AP1B1: variants seen among roughly 807,000 people sequenced by gnomAD.
AP1B1 encodes adaptor related protein complex 1 subunit beta 1, also known as AP-1 complex subunit beta-1.
In AP1B1, 36 loss-of-function variants were observed where a neutral mutation model predicts 104.3. The ratio of observed to expected loss-of-function variants is 0.35; its 90% confidence interval spans 0.26 to 0.46. The LOEUF (loss-of-function observed/expected upper bound fraction) is 0.46. Ranked by LOEUF, AP1B1 falls within the 20% of genes least tolerant of loss-of-function variation. The probability of loss-of-function intolerance (pLI) is 1.00; values close to 1 mark genes in which losing one functional copy is unlikely to be tolerated. For synonymous variants in AP1B1, 504 were observed against 517.5 expected (o/e 0.97, Z 0.35); for missense variants, 901 against 1,247.9 (o/e 0.72, Z 4.19).
At chr22:29,363,737 AT>A (rs1172205529) in intron 2 of AP1B1, among the ~76,000 whole-genome samples, 2 of 151,726 alleles carry the variant, frequency 1.3e-5, no homozygotes, top group Non-Finnish European at 2.9e-5. Flanking sequence ...CTACAAAATA[AT>A]TTTTTTTAAT....
intron 5 of AP1B1, among the ~76,000 whole-genome samples, chr22:29,358,393 T>C (rs2061992325): frequency 6.6e-6 from 1 of 152,202 alleles, no homozygotes; most frequent in Non-Finnish European, 1.5e-5. Flanking sequence ...CTAGTATTGA[T>C]GGTGCACCGT....
intron 1 of AP1B1, among the ~76,000 whole-genome samples, chr22:29,384,376 G>A (rs1186999055): frequency 6.6e-6 from 1 of 152,148 alleles, no homozygotes; most frequent in African/African-American, 2.4e-5. Context: ...ATTTCTCCCT[G>A]TCTCTATGAG....
chr22:29,383,227 C>T (rs956574190), intron 1 of AP1B1, among the ~76,000 whole-genome samples: 10 of 152,126 alleles, frequency 6.6e-5, no homozygotes, highest in African/African-American at 2.4e-4. Flanking sequence ...GGAGATCGGG[C>T]AATGAAGACC....
chr22:29,348,229 C>T (rs565778921), intron 11 of AP1B1, among the ~76,000 whole-genome samples: 7 of 152,334 alleles, frequency 4.6e-5, no homozygotes, highest in African/African-American at 1.4e-4. Context: ...CGTGCAGAAC[C>T]GTGAAAGCTT....
chr22:29,339,531 T>C (rs868133690), intron 15 of AP1B1, among the ~76,000 whole-genome samples: 7 of 151,776 alleles, frequency 4.6e-5, no homozygotes, highest in South Asian at 2.1e-4. Context: ...AGGCGACGTG[T>C]CATGGGGTGG....
At chr22:29,360,759 C>T (rs2062032426) in intron 3 of AP1B1, among the ~76,000 whole-genome samples, 1 of 152,258 alleles carries the variant, frequency 6.6e-6, no homozygotes, top group South Asian at 2.1e-4. Flanking sequence ...CCCTTCTCAA[C>T]ATGGTACCCG....
At chr22:29,341,141 C>T (rs973827747) in intron 13 of AP1B1, among the ~76,000 whole-genome samples, 1 of 152,238 alleles carries the variant, frequency 6.6e-6, no homozygotes. Context: ...ACGGTGCCAC[C>T]AGGCCACACC....
chr22:29,329,987 C>T (rs748010657), intron 21 of AP1B1: 1 of 1,415,574 alleles, frequency 7.1e-7, no homozygotes, highest in Non-Finnish European at 9.2e-7. Context: ...TCTAACAGGT[C>T]TACCTCAAAG....
At chr22:29,337,420 C>T (rs1275485028) in intron 16 of AP1B1, among the ~76,000 whole-genome samples, 1 of 152,180 alleles carries the variant, frequency 6.6e-6, no homozygotes, top group East Asian at 1.9e-4. Context: ...CCAGGGGCTC[C>T]AGTCACCACC....
intron 1 of AP1B1, among the ~76,000 whole-genome samples, chr22:29,374,156 G>A (rs971934637): frequency 3.3e-5 from 5 of 151,384 alleles, no homozygotes; most frequent in African/African-American, 9.7e-5. Context: ...AGCCAAGATC[G>A]GCGCCACTGC....
At chr22:29,357,686 C>CTA (rs1376300043) in intron 5 of AP1B1, among the ~76,000 whole-genome samples, 1 of 104,958 alleles carries the variant, frequency 9.5e-6, no homozygotes, top group African/African-American at 4.8e-5. Flanking sequence ...CCTCAGGCAG[C>CTA]TGTTTTTTTT....
At chr22:29,353,635 A>T (rs934311412) in intron 7 of AP1B1, among the ~76,000 whole-genome samples, 2 of 151,992 alleles carry the variant, frequency 1.3e-5, no homozygotes, top group African/African-American at 4.8e-5. Flanking sequence ...ACCCAATTCG[A>T]CCAATATCTC....
At chr22:29,337,155 C>A (rs1053940372) in intron 16 of AP1B1, among the ~76,000 whole-genome samples, 25 of 152,198 alleles carry the variant, frequency 1.6e-4, no homozygotes, top group Admixed American at 1.5e-3. Flanking sequence ...CTGTGGGGAC[C>A]ATCATATAGG....
intron 3 of AP1B1, among the ~76,000 whole-genome samples, chr22:29,360,280 GC>G (rs1009926231): frequency 6.6e-5 from 10 of 152,120 alleles, no homozygotes; most frequent in African/African-American, 1.9e-4. Flanking sequence ...TTTGTCACCT[GC>G]CCCCTCGCCC....
chr22:29,356,098 G>A (rs2061953289), intron 6 of AP1B1, among the ~76,000 whole-genome samples: 1 of 152,326 alleles, frequency 6.6e-6, no homozygotes, highest in Middle Eastern at 3.4e-3. Context: ...GAAAGCACCC[G>A]GCAGAGCCCC....
intron 1 of AP1B1, among the ~76,000 whole-genome samples, chr22:29,373,673 C>T (rs1402713272): frequency 1.3e-5 from 2 of 151,990 alleles, no homozygotes; most frequent in Admixed American, 1.3e-4. Context: ...GAGGCCAAGG[C>T]GGGTGGATCA....
rs773941143 is a variant in AP1B1 at position 29,358,928 on chromosome 22, C to T, written c.323G>A (p.Arg108Gln). Residue 108 changes from arginine (R) to glutamine (Q), a missense_variant, in exon 5 of 23, where the codon CGG becomes CAG. Physicochemically the swap from Arg to Gln is conservative, Grantham distance 43. Coordinates refer to ENST00000357586, the MANE Select transcript of AP1B1 (RefSeq NM_001127.4). Reference sequence around the variant, plus strand: ...GTCAACGCGGATGCAGCCCATGGTCCGCACTGCCAGGGCTCGGATGAGGGG... The same window carrying T: ...GTCAACGCGGATGCAGCCCATGGTCTGCACTGCCAGGGCTCGGATGAGGGG... ...PNPLIRALAVRTMGCIRVDKI... is the reference protein window; with the variant it reads ...PNPLIRALAVQTMGCIRVDKI... 3.1e-6 allele frequency: 5 copies of T among 1,612,450 alleles called. No homozygotes were observed. The highest frequency in any genetic ancestry group is 2.5e-6 in the Non-Finnish European group (3 of 1,179,438).
intron 14 of AP1B1, among the ~76,000 whole-genome samples, chr22:29,340,438 G>A (rs1331959825): frequency 6.6e-6 from 1 of 152,146 alleles, no homozygotes; most frequent in Non-Finnish European, 1.5e-5. Context: ...CTGCCTCTCA[G>A]GGGCTGTGCG....
chr22:29,330,494 T>G lies in AP1B1; in HGVS notation c.2650A>C (p.Thr884Pro). Residue 884 changes from threonine (T) to proline (P), a missense_variant, in exon 21 of 23, where the codon ACT becomes CCT. Coordinates refer to ENST00000357586, the MANE Select transcript of AP1B1 (RefSeq NM_001127.4). ...CCCTCCACGTTCCTCTTGGCGACAGTGAAGATGTTGCTGCTCTGCAGCTTG... is the reference window on the plus strand; with the variant it reads ...CCCTCCACGTTCCTCTTGGCGACAGGGAAGATGTTGCTGCTCTGCAGCTTG... ...SSKLQSSNIFTVAKRNVEGQD... is the reference protein window; with the variant it reads ...SSKLQSSNIFPVAKRNVEGQD... The G allele has an allele frequency of 6.2e-7, 1 of 1,612,810 alleles. No individual in the cohort carries two copies. Among genetic ancestry groups the G allele is most frequent in the Non-Finnish European group, 8.5e-7 (1 of 1,178,984 alleles).
Sources: allele counts gnomAD v4.1 joint callset (sites outside exome capture counted in the v4.1 genomes callset), GRCh38; gene constraint gnomAD v4.1.1; transcripts MANE v1.5; gene names NCBI Gene and HGNC (gene_info 2026-07-23, HGNC 2026-07-21).